Variants in ARL15 observed in about 807,000 individuals in gnomAD.
ARL15 encodes ARF like GTPase 15.
ARL15 carries 19 observed loss-of-function variants against 25.2 expected under a neutral mutation model. That is an observed-to-expected ratio of 0.75 (90% CI 0.53 to 1.10). The LOEUF (loss-of-function observed/expected upper bound fraction) is 1.10. ARL15 is among the 50% of genes least tolerant of loss of function. ARL15 has a pLI of 0.00. For synonymous variants in ARL15, 94 were observed against 86.8 expected (o/e 1.08, Z -0.46); for missense variants, 220 against 246.0 (o/e 0.89, Z 0.71).
In ARL15 at chr5:53,999,851, C is replaced by T. The variant is rs532561447; in HGVS notation, c.463-113138G>A. On this transcript the variant is annotated intron_variant, in intron 4 of 4. Coordinates refer to ENST00000504924, the MANE Select transcript of ARL15 (RefSeq NM_019087.3). ...TGGAGGTTGCAGTGAGCCAAGATCA[C>T]GCCATTGCACTCCAGCCTGGGCAAT... Among the ~76,000 whole-genome samples, 471 of 151,630 alleles carry T rather than the reference C, an allele frequency of 3.1e-3. 1 individual carries two copies. The highest frequency in any genetic ancestry group is 4.7e-3 in the Non-Finnish European group (318 of 67,922).
intron 1 of ARL15, among the ~76,000 whole-genome samples, chr5:54,261,997 T>C (rs1757508247): frequency 6.6e-6 from 1 of 152,198 alleles, no homozygotes; most frequent in South Asian, 2.1e-4. Flanking sequence ...ATAAGACCTT[T>C]TCTAAAAATC....
intron 4 of ARL15, among the ~76,000 whole-genome samples, chr5:54,092,250 T>C (rs1752151925): frequency 6.6e-6 from 1 of 152,164 alleles, no homozygotes; most frequent in Non-Finnish European, 1.5e-5. Context: ...TTAGAATCCT[T>C]GGCATATTCT....
Position 54,102,019 on chromosome 5 carries a change from G to T in ARL15, c.462+11183C>A, listed in dbSNP as rs1367833760. ...CCAATACTATTTTATTTTTTGTTTT[G>T]TTTTTTTTTTTGAGACAGAGTCTCA... On this transcript the variant is annotated intron_variant, in intron 4 of 4. Transcript: ENST00000504924. 3.2e-3 allele frequency among the ~76,000 whole-genome samples: 464 copies of T among 146,656 alleles called. 2 individuals carry two copies. Among genetic ancestry groups the T allele is most frequent in the African/African-American group, 0.011 (437 of 39,942 alleles).
At chr5:54,108,676 A>G (rs1012196623) in intron 4 of ARL15, among the ~76,000 whole-genome samples, 1 of 152,078 alleles carries the variant, frequency 6.6e-6, no homozygotes, top group Non-Finnish European at 1.5e-5. Flanking sequence ...ATATAAATAT[A>G]AAATAATTTA....
At chr5:53,907,705 C>T (rs375725920) in intron 4 of ARL15, among the ~76,000 whole-genome samples, 1 of 150,816 alleles carries the variant, frequency 6.6e-6, no homozygotes, top group African/African-American at 2.4e-5. Flanking sequence ...ACCTTGTTAG[C>T]CAGGATTGTC....
chr5:53,987,214 A>G (rs542114684), intron 4 of ARL15, among the ~76,000 whole-genome samples: 3 of 151,808 alleles, frequency 2.0e-5, no homozygotes, highest in Non-Finnish European at 2.9e-5. Context: ...TACATTAACA[A>G]TGAAGTATAC....
intron 4 of ARL15, among the ~76,000 whole-genome samples, chr5:53,892,264 C>T (rs1245638350): frequency 6.6e-6 from 1 of 152,162 alleles, no homozygotes; most frequent in Non-Finnish European, 1.5e-5. Flanking sequence ...GAAAAGGAAA[C>T]AGGTCTCATG....
chr5:53,994,070 A>G (rs1241539780), intron 4 of ARL15, among the ~76,000 whole-genome samples: 1 of 152,208 alleles, frequency 6.6e-6, no homozygotes, highest in African/African-American at 2.4e-5. Flanking sequence ...CCACGTTGAT[A>G]AGGATATCAC....
intron 4 of ARL15, among the ~76,000 whole-genome samples, chr5:53,926,925 T>C (rs943231902): frequency 2.2e-4 from 34 of 151,392 alleles, no homozygotes; most frequent in African/African-American, 7.5e-4. Flanking sequence ...TGGTTAAACC[T>C]TCAGTCACCA....
At chr5:54,095,881 GATTAC>G (rs1752270134) in intron 4 of ARL15, among the ~76,000 whole-genome samples, 2 of 151,750 alleles carry the variant, frequency 1.3e-5, no homozygotes, top group African/African-American at 4.8e-5. Flanking sequence ...AAAAAAATTA[GATTAC>G]ATTTTAAAAA....
intron 1 of ARL15, among the ~76,000 whole-genome samples, chr5:54,226,602 A>G (rs1198444328): frequency 6.6e-6 from 1 of 152,244 alleles, no homozygotes; most frequent in East Asian, 1.9e-4. Flanking sequence ...GACTAATTTC[A>G]AAGACTGTTA....
intron 4 of ARL15, chr5:53,887,471 T>C: frequency 1.5e-6 from 1 of 674,758 alleles, no homozygotes; most frequent in Non-Finnish European, 2.7e-6. Context: ...TCTTACTATA[T>C]TGGCCAGCAT....
At chr5:53,966,895 G>A (rs1455544265) in intron 4 of ARL15, among the ~76,000 whole-genome samples, 2 of 152,182 alleles carry the variant, frequency 1.3e-5, no homozygotes, top group Non-Finnish European at 2.9e-5. Context: ...AAAGATGTAT[G>A]AATAAGGCTT....
intron 1 of ARL15, among the ~76,000 whole-genome samples, chr5:54,215,230 T>A (rs39641): frequency 0.69 from 104,495 of 151,656 alleles, 36,906 homozygotes; most frequent in Middle Eastern, 0.76. Context: ...TTTTTTTTTT[T>A]AAATCCAAGC....
At chr5:54,034,310 T>C (rs929076037) in intron 4 of ARL15, among the ~76,000 whole-genome samples, 1 of 152,202 alleles carries the variant, frequency 6.6e-6, no homozygotes, top group African/African-American at 2.4e-5. Context: ...ACTGCCTGTT[T>C]GGCCCTTGCT....
chr5:54,200,705 G>C (rs1384721681), intron 1 of ARL15, among the ~76,000 whole-genome samples: 2 of 152,182 alleles, frequency 1.3e-5, no homozygotes, highest in African/African-American at 2.4e-5. Flanking sequence ...ATGACTGAGA[G>C]AAAATACAGG....
At chr5:54,082,480 C>A (rs1355100455) in intron 4 of ARL15, among the ~76,000 whole-genome samples, 2 of 152,056 alleles carry the variant, frequency 1.3e-5, no homozygotes, top group African/African-American at 4.8e-5. Flanking sequence ...CAGATACTCA[C>A]ATTTGGAAGG....
chr5:54,073,617 T>C (rs1751489272), intron 4 of ARL15, among the ~76,000 whole-genome samples: 1 of 152,232 alleles, frequency 6.6e-6, no homozygotes, highest in African/African-American at 2.4e-5. Context: ...TCTAGTGGTG[T>C]CTCCTTATAA....
chr5:53,891,506 C>T (rs987745033), intron 4 of ARL15, among the ~76,000 whole-genome samples: 1 of 152,226 alleles, frequency 6.6e-6, no homozygotes, highest in African/African-American at 2.4e-5. Context: ...ATGCCCAACA[C>T]ATTCCCTGGG....
Sources: allele counts gnomAD v4.1 joint callset (sites outside exome capture counted in the v4.1 genomes callset), GRCh38; gene constraint gnomAD v4.1.1; transcripts MANE v1.5; gene names NCBI Gene and HGNC (gene_info 2026-07-23, HGNC 2026-07-21).